TCN2: variants seen among roughly 807,000 people sequenced by gnomAD.
The protein encoded by TCN2 is transcobalamin 2.
Under a neutral mutation model 48.6 loss-of-function variants are expected in TCN2, and 34 were observed. That is an observed-to-expected ratio of 0.70 (90% CI 0.53 to 0.93). The LOEUF (loss-of-function observed/expected upper bound fraction) is 0.93. Among genes scored for constraint, TCN2 ranks in the 40% least tolerant of loss-of-function variants. TCN2 has a pLI of 0.00. For missense variants in TCN2, 652 were observed against 526.1 expected, an observed-to-expected ratio of 1.24 and a Z score of -2.34; for synonymous variants, 283 against 212.5, an observed-to-expected ratio of 1.33 and a Z score of -2.89.
Position 30,615,768 on chromosome 22 carries a change from A to C in TCN2, c.921A>C (p.Pro307=), listed in dbSNP as rs138738105. Residue 307 remains proline, a synonymous_variant, in exon 6 of 9, where the codon CCA becomes CCC. Transcript: ENST00000215838. ...NHKTYIDLIF[P]DCLAPRVMLE... is the part of the protein sequence containing the mutation. ...AGACCTACATTGATCTGATCTTCCCAGACTGTCTGGCACCACGAGGTAGCC... is the reference window on the plus strand; with the variant it reads ...AGACCTACATTGATCTGATCTTCCCCGACTGTCTGGCACCACGAGGTAGCC... The C allele has an allele frequency of 2.9e-4, 474 of 1,614,210 alleles. 1 individual carries two copies. The highest frequency in any genetic ancestry group is 2.1e-3 in the Middle Eastern group (13 of 6,062).
chr22:30,608,968 C>T (rs1460018498), intron 1 of TCN2, among the ~76,000 whole-genome samples: 1 of 152,154 alleles, frequency 6.6e-6, no homozygotes, highest in East Asian at 1.9e-4. Flanking sequence ...TGCACCCAGC[C>T]TCATTCCTTT....
rs1489842621 is a variant in TCN2 at position 30,614,244 on chromosome 22, C to T, written c.428-105C>T. On this transcript the variant is annotated intron_variant, in intron 3 of 8. Transcript: ENST00000215838. The stretch of plus-strand genomic sequence containing the variant: ...AATGAAGGAATGAAGGATCCCATGA[C>T]CCAAAAGAGCGTGTTGGAAAGTGCA... 4 of 1,453,958 alleles carry T rather than the reference C, an allele frequency of 2.8e-6. No individual in the cohort carries two copies. In the East Asian group the frequency reaches 9.8e-5, roughly 36 times the overall value. 90.1% of individuals were successfully genotyped at this position (1,453,958 alleles called of 1,614,324 possible). A position where few individuals can be genotyped will look rare whatever the true frequency, so the allele number is the denominator to read the frequency against.
At chr22:30,611,977 C>T (rs1355394939) in intron 2 of TCN2, among the ~76,000 whole-genome samples, 2 of 152,044 alleles carry the variant, frequency 1.3e-5, no homozygotes, top group Admixed American at 6.6e-5. Context: ...TGGCTCATAC[C>T]TGTAATCCCA....
rs1569046366 is a variant in TCN2 at position 30,623,777 on chromosome 22, TATATATGTATACATATATACACAC to T, written c.1222+698_1222+721del. Among the ~76,000 whole-genome samples, 17 of 13,092 alleles carry T rather than the reference TATATATGTATACATATATACACAC, an allele frequency of 1.3e-3. 1 individual carries two copies. In the African/African-American group the frequency reaches 0.015, roughly 12 times the overall value. 8.6% of individuals were successfully genotyped at this position (13,092 alleles called of 152,430 possible). ...ATATATGTATATATATATACACACA[TATATATGTATACATATATACACAC>T]ATACACATATATACACACACATACA... On this transcript the variant is annotated intron_variant, in intron 8 of 8. Transcript: ENST00000215838.
chr22:30,624,912 T>G (rs890973054), intron 8 of TCN2, among the ~76,000 whole-genome samples: 3 of 152,222 alleles, frequency 2.0e-5, no homozygotes, highest in African/African-American at 7.2e-5. Context: ...ATAAACTGGG[T>G]GGCTTATAAA....
chr22:30,616,506 T>C (rs1316521733), intron 6 of TCN2, among the ~76,000 whole-genome samples: 9 of 113,458 alleles, frequency 7.9e-5, no homozygotes, highest in Non-Finnish European at 1.6e-4. Context: ...AAAAAAAAAA[T>C]GGAGAAGAAG....
chr22:30,621,791 G>A (rs921536290), intron 7 of TCN2, among the ~76,000 whole-genome samples: 2 of 151,816 alleles, frequency 1.3e-5, no homozygotes, highest in African/African-American at 2.4e-5. Context: ...GCCTGACCCT[G>A]CTCTTTTGAA....
intron 8 of TCN2, among the ~76,000 whole-genome samples, chr22:30,625,768 A>G (rs2087798551): frequency 1.3e-5 from 2 of 152,066 alleles, no homozygotes; most frequent in Non-Finnish European, 2.9e-5. Context: ...TCGGCCTATA[A>G]TGGCACTTTC....
At chr22:30,624,043 T>TACACAC (rs1198211935) in intron 8 of TCN2, among the ~76,000 whole-genome samples, 1 of 28,636 alleles carries the variant, frequency 3.5e-5, no homozygotes, top group Non-Finnish European at 6.0e-5. Context: ...TATACATATA[T>TACACAC]ACACACACAC....
intron 8 of TCN2, among the ~76,000 whole-genome samples, chr22:30,624,415 A>G (rs910837298): frequency 6.6e-6 from 1 of 151,986 alleles, no homozygotes; most frequent in Non-Finnish European, 1.5e-5. Context: ...TACTCTTGTT[A>G]TTTAAGTTGC....
At chr22:30,612,003 G>A (rs2087549001) in intron 2 of TCN2, among the ~76,000 whole-genome samples, 1 of 152,124 alleles carries the variant, frequency 6.6e-6, no homozygotes. Flanking sequence ...TTGGGAGGCT[G>A]AGGCAGGAAG....
At position 30,623,107 on chromosome 22, in the gene TCN2, G is replaced by C. The variant is rs185152697; in HGVS notation, c.1222+24G>C. 2.1e-4 allele frequency: 340 copies of C among 1,610,950 alleles called. 2 individuals are homozygous for C. The African/African-American group carries it at 3.3e-3, about 16-fold the overall frequency. On this transcript the variant is annotated intron_variant, in intron 8 of 8. Transcript: ENST00000215838. ...AGGTGAGTCATGGCCTGACACTCTG[G>C]ATGTGTCCCCTACCCCAAGCTTACT... is the stretch of plus-strand genomic sequence containing the variant.
chr22:30,613,266 G>T, intron 3 of TCN2, among the ~76,000 whole-genome samples: 1 of 152,148 alleles, frequency 6.6e-6, no homozygotes, highest in Non-Finnish European at 1.5e-5. Flanking sequence ...GTGTTTCGTG[G>T]TTTTTTGTTT....
At chr22:30,612,006 G>T (rs1340170624) in intron 2 of TCN2, among the ~76,000 whole-genome samples, 2 of 152,122 alleles carry the variant, frequency 1.3e-5, no homozygotes, top group Non-Finnish European at 2.9e-5. Context: ...GGAGGCTGAG[G>T]CAGGAAGATT....
At chr22:30,609,335 C>T (rs568223691) in intron 1 of TCN2, among the ~76,000 whole-genome samples, 9 of 152,182 alleles carry the variant, frequency 5.9e-5, no homozygotes, top group Admixed American at 4.6e-4. Context: ...GCAATCAGCC[C>T]TTAGCTGGCA....
intron 1 of TCN2, 92 bp downstream of exon 1, chr22:30,607,487 T>TAAGCTCCC: frequency 2.2e-6 from 3 of 1,392,670 alleles, no homozygotes; most frequent in Non-Finnish European, 3.0e-6. Flanking sequence ...CCTGCCCTTC[T>TAAGCTCCC]AAGCTCCCAT....
At chr22:30,623,957 C>CATATATACACACACACATGTAT (rs1569046968) in intron 8 of TCN2, among the ~76,000 whole-genome samples, 2 of 88,808 alleles carry the variant, frequency 2.3e-5, no homozygotes, top group Admixed American at 1.2e-4. Context: ...CATATGTATA[C>CATATATACACACACACATGTAT]ATATATACAC....
rs1463104378 is a variant in TCN2 at position 30,624,059 on chromosome 22, CACAT to C, written c.1222+978_1222+981del. 3.9e-4 allele frequency among the ~76,000 whole-genome samples: 6 copies of C among 15,332 alleles called. 3 individuals carry two copies. Among genetic ancestry groups the C allele is most frequent in the African/African-American group, 3.6e-3 (6 of 1,656 alleles). The allele number at this position is 15,332 out of a possible 152,430, so 10.1% of individuals were successfully genotyped here. ...ATACATATATACACACACACACACA[CACAT>C]ATATATATATATATATATTTTTTTT... On this transcript the variant is annotated intron_variant, in intron 8 of 8. Transcript: ENST00000215838.
chr22:30,608,563 A>AT (rs2087486974), intron 1 of TCN2, among the ~76,000 whole-genome samples: 1 of 151,574 alleles, frequency 6.6e-6, no homozygotes, highest in African/African-American at 2.4e-5. Context: ...TAATTTTTGT[A>AT]TTTTTTTGTA....
Sources: allele counts gnomAD v4.1 joint callset (sites outside exome capture counted in the v4.1 genomes callset), GRCh38; gene constraint gnomAD v4.1.1; transcripts MANE v1.5; gene names NCBI Gene and HGNC (gene_info 2026-07-23, HGNC 2026-07-21).